HELZ: variants seen among roughly 807,000 people sequenced by gnomAD.
HELZ encodes ATP-dependent RNA helicase with zinc finger domain.
A neutral mutation model predicts 218.2 loss-of-function variants in HELZ; 23 were observed. The ratio of observed to expected loss-of-function variants is 0.11; its 90% confidence interval spans 0.08 to 0.15. HELZ has a LOEUF of 0.15. HELZ is among the 10% of genes least tolerant of loss of function. The probability of loss-of-function intolerance (pLI) is 1.00; values close to 1 mark genes in which losing one functional copy is unlikely to be tolerated. For synonymous variants in HELZ, 814 were observed against 829.4 expected (o/e 0.98, Z 0.32); for missense variants, 1,813 against 2,353.7 (o/e 0.77, Z 4.75).
At chr17:67,239,689 A>T (rs2041272214) in intron 2 of HELZ, 200 bp from the exon 3 acceptor site, 1 of 152,234 alleles carries the variant, frequency 6.6e-6, no homozygotes, top group African/African-American at 2.4e-5. Flanking sequence ...GCTTGGTTTA[A>T]TGTTGCTACT....
At chr17:67,132,279 T>C (rs1016705899) in intron 23 of HELZ, among the ~76,000 whole-genome samples, 1 of 151,932 alleles carries the variant, frequency 6.6e-6, no homozygotes, top group Non-Finnish European at 1.5e-5. Flanking sequence ...TACACATACA[T>C]GAAATATGTT....
intron 16 of HELZ, 45 bp downstream of exon 16, chr17:67,160,852 T>C (rs376302065): frequency 2.9e-4 from 403 of 1,382,558 alleles, no homozygotes; most frequent in Non-Finnish European, 3.9e-4. Context: ...AGAACAGAGG[T>C]AGTATCCTAC....
intron 31 of HELZ, among the ~76,000 whole-genome samples, chr17:67,091,992 ATCAC>A (rs1951001472): frequency 6.6e-6 from 1 of 152,212 alleles, no homozygotes; most frequent in African/African-American, 2.4e-5. Flanking sequence ...GGAGAGGACT[ATCAC>A]TATAAGACTA....
intron 23 of HELZ, 140 bp downstream of exon 23, chr17:67,135,830 G>T: frequency 1.5e-6 from 1 of 645,170 alleles, no homozygotes; most frequent in Non-Finnish European, 2.7e-6. Flanking sequence ...AAAGTAATAT[G>T]CTTTTGTGTT....
intron 1 of HELZ, 134 bp downstream of exon 1, chr17:67,245,014 A>G (rs7219939): frequency 1.0e-6 from 1 of 985,090 alleles, no homozygotes; most frequent in Non-Finnish European, 1.2e-6. Context: ...CGGGCCGCCC[A>G]GGCCCCCAGC....
chr17:67,207,315 G>C (rs1427901284), intron 5 of HELZ, among the ~76,000 whole-genome samples: 1 of 141,936 alleles, frequency 7.0e-6, no homozygotes, highest in East Asian at 2.2e-4. Flanking sequence ...CGCCTCCTCA[G>C]TTCAAGCGAC....
chr17:67,224,971 G>A, intron 3 of HELZ: 1 of 702,048 alleles, frequency 1.4e-6, no homozygotes, highest in South Asian at 1.4e-5. Context: ...AGAGAATGCT[G>A]GCTATTAAAA....
At chr17:67,163,467 C>T (rs576015523) in intron 15 of HELZ, among the ~76,000 whole-genome samples, 6 of 152,034 alleles carry the variant, frequency 3.9e-5, no homozygotes, top group South Asian at 2.1e-4. Flanking sequence ...GGCGCGATCT[C>T]GGTTCACTGC....
intron 15 of HELZ, 140 bp downstream of exon 15, chr17:67,166,337 TC>T (rs1308327634): frequency 2.8e-5 from 16 of 576,198 alleles, no homozygotes; most frequent in Non-Finnish European, 4.7e-5. Context: ...TTTTAAGTGT[TC>T]TTTTACTCTC....
At chr17:67,115,012 T>C (rs1279183431) in intron 27 of HELZ, among the ~76,000 whole-genome samples, 1 of 152,206 alleles carries the variant, frequency 6.6e-6, no homozygotes, top group East Asian at 1.9e-4. Context: ...AATTAACCAC[T>C]GGATAGTTTA....
At chr17:67,228,832 C>T (rs2040962009) in intron 3 of HELZ, among the ~76,000 whole-genome samples, 1 of 152,034 alleles carries the variant, frequency 6.6e-6, no homozygotes, top group Non-Finnish European at 1.5e-5. Context: ...GATTCCCCTG[C>T]CCGAGCCTCC....
intron 31 of HELZ, among the ~76,000 whole-genome samples, chr17:67,106,019 T>C (rs1485072726): frequency 6.6e-6 from 1 of 152,208 alleles, no homozygotes; most frequent in Non-Finnish European, 1.5e-5. Flanking sequence ...CCTTTAGATA[T>C]CATTCTGAAA....
Position 67,125,985 on chromosome 17 carries a change from A to G in HELZ, c.3388-1971T>C, listed in dbSNP as rs529668426. 2.0e-5 allele frequency among the ~76,000 whole-genome samples: 3 copies of G among 152,330 alleles called. No homozygotes were observed. In the South Asian group the frequency reaches 6.2e-4, roughly 32 times the overall value. ...CCTCTAGAAGTTAAGAATGATTCCC[A>G]GCTGACAGTCACCAAGGAAACAAGA... On this transcript the variant is annotated intron_variant, in intron 24 of 32. Coordinates refer to ENST00000358691, the MANE Select transcript of HELZ (RefSeq NM_014877.4).
chr17:67,183,511 G>A (rs1308875167), intron 12 of HELZ, among the ~76,000 whole-genome samples: 1 of 152,116 alleles, frequency 6.6e-6, no homozygotes, highest in Non-Finnish European at 1.5e-5. Context: ...TACTTTCTAA[G>A]ATAGACTAAA....
At chr17:67,199,784 A>C (rs1309020462) in intron 7 of HELZ, among the ~76,000 whole-genome samples, 1 of 152,220 alleles carries the variant, frequency 6.6e-6, no homozygotes, top group Non-Finnish European at 1.5e-5. Context: ...TGGAATGGAA[A>C]GGAACCCACA....
chr17:67,116,926 G>T (rs367785996), intron 27 of HELZ, among the ~76,000 whole-genome samples: 11 of 152,086 alleles, frequency 7.2e-5, no homozygotes, highest in Admixed American at 5.9e-4. Context: ...CATGAATCTC[G>T]GCTCACTGCA....
chr17:67,163,317 C>T (rs917118061), intron 15 of HELZ, among the ~76,000 whole-genome samples: 3 of 152,170 alleles, frequency 2.0e-5, no homozygotes, highest in African/African-American at 7.2e-5. Flanking sequence ...AAGAATGAGA[C>T]AGATATCATG....
At position 67,104,227 on chromosome 17, in the gene HELZ, G is replaced by A. The variant is rs1052827319; in HGVS notation, c.5241+2942C>T. Among the ~76,000 whole-genome samples, 6 of 152,186 alleles carry A rather than the reference G, an allele frequency of 3.9e-5. No homozygotes were observed. The South Asian group carries it at 1.0e-3, about 26-fold the overall frequency. On this transcript the variant is annotated intron_variant, in intron 31 of 32. Coordinates refer to ENST00000358691, the MANE Select transcript of HELZ (RefSeq NM_014877.4). ...AGGCGAGCAGATCACGAGGTCAGGA[G>A]ATTGAGACTATCCTGGCTAACATGG... is the stretch of plus-strand genomic sequence containing the variant.
intron 3 of HELZ, among the ~76,000 whole-genome samples, chr17:67,223,921 T>C (rs12950532): frequency 1.1e-4 from 16 of 152,232 alleles, no homozygotes; most frequent in Admixed American, 8.5e-4. Flanking sequence ...CTCTGATCTG[T>C]TGCTGACCTA....
Sources: gnomAD v4.1 joint callset for allele counts (sites outside exome capture counted in the v4.1 genomes callset) on GRCh38, gnomAD v4.1.1 for gene constraint, MANE v1.5 for transcripts, NCBI Gene and HGNC (gene_info 2026-07-23, HGNC 2026-07-21) for gene names.